FAM91A1: variants seen among roughly 807,000 people sequenced by gnomAD.
The protein encoded by FAM91A1 is protein FAM91A1.
In FAM91A1, 41 loss-of-function variants were observed where a neutral mutation model predicts 113.5. That is an observed-to-expected ratio of 0.36 (90% confidence interval 0.28 to 0.47). FAM91A1 has a LOEUF of 0.47. Among genes scored for constraint, FAM91A1 ranks in the 20% least tolerant of loss-of-function variants. The pLI, the probability that FAM91A1 is intolerant of heterozygous loss-of-function variation, is 1.00. For missense variants in FAM91A1, 696 were observed against 1,001.2 expected, an observed-to-expected ratio of 0.70 and a Z score of 4.11; for synonymous variants, 307 against 347.9, an observed-to-expected ratio of 0.88 and a Z score of 1.31.
At chr8:123,788,987 G>A (rs1815320618) in intron 14 of FAM91A1, among the ~76,000 whole-genome samples, 1 of 152,024 alleles carries the variant, frequency 6.6e-6, no homozygotes, top group Non-Finnish European at 1.5e-5. Flanking sequence ...TGTTGTTTCT[G>A]GGATATATGT....
In FAM91A1 at chr8:123,806,259, A is replaced by G. The variant is rs373449561; in HGVS notation, c.2032+30A>G. On this transcript the variant is annotated intron_variant, in intron 20 of 23. Coordinates refer to ENST00000334705, the MANE Select transcript of FAM91A1 (RefSeq NM_144963.4). ...GCCAATAGTTGGATTCTTTGGATTA[A>G]GATAATTGGTTTTGAGTTTGACACA... The G allele has an allele frequency of 1.6e-5, 25 of 1,589,436 alleles. No homozygotes were observed. In the African/African-American group the frequency reaches 3.1e-4, roughly 20 times the overall value.
At chr8:123,808,746 T>A (rs1456310450) in intron 21 of FAM91A1, 147 bp from the exon 22 acceptor site, 1 of 724,076 alleles carries the variant, frequency 1.4e-6, no homozygotes, top group South Asian at 2.6e-5. Context: ...CTTCAATTTC[T>A]TCCTCCCCTG....
At chr8:123,768,884 C>T in intron 1 of FAM91A1, 110 bp downstream of exon 1, 2 of 1,101,996 alleles carry the variant, frequency 1.8e-6, no homozygotes, top group South Asian at 2.8e-5. Context: ...GACTCCCTTC[C>T]TTTACTCCTC....
In FAM91A1 at chr8:123,815,045, A is replaced by T. The variant is rs1448417853; in HGVS notation, c.*2341A>T. 1 of 152,648 alleles carries T rather than the reference A, an allele frequency of 6.6e-6. No individual in the cohort carries two copies. Among genetic ancestry groups the T allele is most frequent in the African/African-American group, 2.4e-5 (1 of 41,458 alleles). 9.5% of individuals were successfully genotyped at this position (152,648 alleles called of 1,614,324 possible). A position where few individuals can be genotyped will look rare whatever the true frequency, so the allele number is the denominator to read the frequency against. On this transcript the variant is annotated 3_prime_UTR_variant, in exon 24 of 24. Coordinates refer to ENST00000334705, the MANE Select transcript of FAM91A1 (RefSeq NM_144963.4). ...AACCAAGAGGAAAGAAAGAACAAAT[A>T]TCAAAAAAGACATAGAATTTAATAT...
At chr8:123,805,190 A>G in intron 18 of FAM91A1, 77 bp from the exon 19 acceptor site, 2 of 1,153,564 alleles carry the variant, frequency 1.7e-6, no homozygotes, top group South Asian at 1.4e-5. Context: ...TACATGACAC[A>G]ATCTTATTTA....
rs765833196 is a variant in FAM91A1, at chr8:123,810,334, T to A, written c.2314T>A (p.Phe772Ile). The change falls in exon 23 of 24, where the codon TTT becomes ATT. Residue 772 changes from phenylalanine (F) to isoleucine (I), a missense_variant. Transcript: ENST00000334705. ...AAAACTCTCTCTGCAAGTCCTTAAC[T>A]TTGTTCACTCATTCCAGGTAACAAA... ...SRKLSLQVLN[F>I]VHSFQEGASI... The A allele has an allele frequency of 3.1e-6, 5 of 1,613,586 alleles. No homozygotes were observed. The highest frequency in any genetic ancestry group is 3.4e-6 in the Non-Finnish European group (4 of 1,179,834).
chr8:123,792,006 G>C (rs1815397805), intron 15 of FAM91A1, among the ~76,000 whole-genome samples: 8 of 152,018 alleles, frequency 5.3e-5, no homozygotes, highest in Admixed American at 1.3e-4. Flanking sequence ...GAAAACTCGT[G>C]TTTACTAAAG....
Position 123,808,387 on chromosome 8 carries a change from A to C in FAM91A1, c.2137+11A>C, listed in dbSNP as rs1471540864. 6.2e-7 allele frequency: 1 copy of C among 1,605,032 alleles called. No individual in the cohort carries two copies. The highest frequency in any genetic ancestry group is 1.7e-5 in the Admixed American group (1 of 58,506). On this transcript the variant is annotated intron_variant, in intron 21 of 23. Coordinates refer to ENST00000334705, the MANE Select transcript of FAM91A1 (RefSeq NM_144963.4). The stretch of plus-strand genomic sequence containing the variant: ...CAAAGCAAACCTCTGGTATGGTGCT[A>C]AAACTTTTTCCAATTTTATTAGACT...
chr8:123,772,532 G>A (rs371447509), intron 1 of FAM91A1, among the ~76,000 whole-genome samples: 2 of 152,216 alleles, frequency 1.3e-5, no homozygotes, highest in East Asian at 1.9e-4. Context: ...ACAGATGAAA[G>A]TAAGATAAGC....
chr8:123,789,874 A>G, intron 15 of FAM91A1, 129 bp downstream of exon 15: 2 of 1,069,756 alleles, frequency 1.9e-6, no homozygotes, highest in African/African-American at 3.2e-5. Context: ...TGAATTTATA[A>G]CTAGAGGCCT....
chr8:123,796,868 C>T (rs1003884985), intron 15 of FAM91A1, among the ~76,000 whole-genome samples: 1 of 151,268 alleles, frequency 6.6e-6, no homozygotes, highest in Non-Finnish European at 1.5e-5. Context: ...TCGAGACCAT[C>T]CTGGCCAACA....
chr8:123,784,358 C>T, intron 8 of FAM91A1, 112 bp from the exon 9 acceptor site: 2 of 675,988 alleles, frequency 3.0e-6, no homozygotes, highest in Non-Finnish European at 4.7e-6. Context: ...AAATCAAAAG[C>T]TGCATTCAGT....
intron 18 of FAM91A1, among the ~76,000 whole-genome samples, chr8:123,800,592 T>A (rs149307499): frequency 6.6e-6 from 1 of 152,266 alleles, no homozygotes; most frequent in African/African-American, 2.4e-5. Flanking sequence ...TGTACAGCCA[T>A]CACCACACTC....
At position 123,806,101 on chromosome 8, in the gene FAM91A1, G is replaced by A; in HGVS notation, c.1904G>A (p.Gly635Asp). The A allele has an allele frequency of 6.2e-7, 1 of 1,605,114 alleles. No homozygotes were observed. The highest frequency in any genetic ancestry group is 1.1e-5 in the South Asian group (1 of 90,104). ...GTAGAGTTCACTCGTGTCAATATGG[G>A]TGTTCATAAAGCATTGCAGATACTA... is the stretch of plus-strand genomic sequence containing the variant. ...LQGEFTRVNM[G>D]VHKALQILRN... Residue 635 changes from glycine to aspartate, a missense_variant, in exon 20 of 24, where the codon GGT becomes GAT. Gly to Asp is a moderately conservative substitution (Grantham distance 94). Coordinates refer to ENST00000334705, the MANE Select transcript of FAM91A1 (RefSeq NM_144963.4).
chr8:123,774,111 A>G lies in FAM91A1; in HGVS notation c.104A>G (p.Lys35Arg). The change falls in exon 2 of 24, where the codon AAG becomes AGG. Residue 35 changes from lysine to arginine, a missense_variant. Physicochemically the swap from Lys to Arg is conservative, Grantham distance 26 (BLOSUM62 2). Coordinates refer to ENST00000334705, the MANE Select transcript of FAM91A1 (RefSeq NM_144963.4). The part of the protein sequence containing the change: ...SLGNSQREYE[K>R]QVVLYSIRNQ... The stretch of plus-strand genomic sequence containing the variant: ...GGAAATTCACAGAGAGAATATGAAA[A>G]GCAGGTTGTCCTGTACAGTATCCGC... 1 of 1,608,644 alleles carries G rather than the reference A, an allele frequency of 6.2e-7. No individual in the cohort carries two copies. Among genetic ancestry groups the G allele is most frequent in the Admixed American group, 1.7e-5 (1 of 59,220 alleles).
chr8:123,779,643 G>A (rs1438623942), intron 6 of FAM91A1, among the ~76,000 whole-genome samples: 4 of 152,182 alleles, frequency 2.6e-5, no homozygotes, highest in African/African-American at 4.8e-5. Flanking sequence ...TCCTGTTACT[G>A]ACAATATTCA....
At chr8:123,793,526 C>T (rs1249358994) in intron 15 of FAM91A1, among the ~76,000 whole-genome samples, 1 of 152,176 alleles carries the variant, frequency 6.6e-6, no homozygotes, top group Admixed American at 6.5e-5. Context: ...TATTTTCGTG[C>T]CCCAGTTTTC....
intron 23 of FAM91A1, chr8:123,812,279 G>T (rs1300355168): frequency 3.0e-6 from 1 of 336,634 alleles, no homozygotes; most frequent in East Asian, 4.5e-5. Context: ...CCACAGTCTC[G>T]TAGCCTCTTA....
intron 15 of FAM91A1, among the ~76,000 whole-genome samples, chr8:123,796,899 A>G (rs1020450952): frequency 3.4e-4 from 52 of 151,588 alleles, no homozygotes; most frequent in African/African-American, 1.2e-3. Flanking sequence ...TGTCTCTACT[A>G]AAAATACAAA....
Sources: allele counts gnomAD v4.1 joint callset (sites outside exome capture counted in the v4.1 genomes callset), GRCh38; gene constraint gnomAD v4.1.1; transcripts MANE v1.5; gene names NCBI Gene and HGNC (gene_info 2026-07-23, HGNC 2026-07-21).